Variants in WWOX observed in about 807,000 individuals in gnomAD.
WWOX encodes WW domain containing oxidoreductase, also known as WW domain-containing oxidoreductase.
A neutral mutation model predicts 46.2 loss-of-function variants in WWOX; 69 were observed. That is an observed-to-expected ratio of 1.49 (90% CI 1.23 to 1.82). The LOEUF (loss-of-function observed/expected upper bound fraction) is 1.82, where lower values mean the gene tolerates loss of function less well. Ranked by LOEUF, WWOX falls within the 40% of genes most tolerant of loss-of-function variation. The pLI, the probability that WWOX is intolerant of heterozygous loss-of-function variation, is 0.00. For synonymous variants in WWOX, 359 were observed against 202.6 expected (o/e 1.77, Z -6.56); for missense variants, 919 against 542.6 (o/e 1.69, Z -6.89).
At chr16:78,465,214 A>G (rs775369343) in intron 8 of WWOX, among the ~76,000 whole-genome samples, 4 of 152,264 alleles carry the variant, frequency 2.6e-5, no homozygotes, top group Non-Finnish European at 5.9e-5. Context: ...AAATTGTATC[A>G]TAGAATCATA....
intron 8 of WWOX, among the ~76,000 whole-genome samples, chr16:78,931,194 C>T (rs1193811830): frequency 3.9e-5 from 6 of 152,192 alleles, no homozygotes; most frequent in Non-Finnish European, 7.3e-5. Flanking sequence ...ACAGTTACCA[C>T]ACTCAGGAAT....
At chr16:78,590,995 C>G (rs1288676199) in intron 8 of WWOX, among the ~76,000 whole-genome samples, 1 of 152,128 alleles carries the variant, frequency 6.6e-6, no homozygotes, top group Non-Finnish European at 1.5e-5. Context: ...GGTACACGTA[C>G]AAGGCGCTCA....
chr16:78,168,331 T>G (rs926258723), intron 5 of WWOX: 3 of 152,116 alleles, frequency 2.0e-5, no homozygotes, highest in Admixed American at 2.0e-4. Flanking sequence ...TATTCTCACA[T>G]CCACAATGGG....
intron 8 of WWOX, among the ~76,000 whole-genome samples, chr16:78,560,911 T>G (rs1398147532): frequency 6.6e-6 from 1 of 152,184 alleles, no homozygotes; most frequent in Non-Finnish European, 1.5e-5. Flanking sequence ...ACTTAGCAGT[T>G]CACATTCACA....
At chr16:78,753,589 C>T (rs1454785007) in intron 8 of WWOX, among the ~76,000 whole-genome samples, 2 of 151,562 alleles carry the variant, frequency 1.3e-5, no homozygotes, top group African/African-American at 4.8e-5. Context: ...TGCTTGAGCC[C>T]AGGAGTTTGC....
chr16:78,164,087 T>G, intron 4 of WWOX, 96 bp from the exon 5 acceptor site: 2 of 1,111,442 alleles, frequency 1.8e-6, no homozygotes, highest in Non-Finnish European at 2.7e-6. Flanking sequence ...GTTGAGAACT[T>G]GGGGTAATTT....
chr16:78,809,108 G>T (rs1597649007), intron 8 of WWOX, among the ~76,000 whole-genome samples: 1 of 151,842 alleles, frequency 6.6e-6, no homozygotes, highest in African/African-American at 2.4e-5. Flanking sequence ...CACACAGAGT[G>T]GGCTGTTTCT....
chr16:78,624,609 C>G (rs912232671), intron 8 of WWOX, among the ~76,000 whole-genome samples: 1 of 152,156 alleles, frequency 6.6e-6, no homozygotes, highest in Admixed American at 6.5e-5. Context: ...GGCAGAAATT[C>G]AGAAAATCAC....
At chr16:79,151,427 G>A (rs1423301119) in intron 8 of WWOX, among the ~76,000 whole-genome samples, 2 of 152,148 alleles carry the variant, frequency 1.3e-5, no homozygotes, top group Non-Finnish European at 2.9e-5. Flanking sequence ...TGGTTACCCT[G>A]GACCAGACAT....
At chr16:79,090,701 A>C (rs1308646887) in intron 8 of WWOX, among the ~76,000 whole-genome samples, 1 of 152,174 alleles carries the variant, frequency 6.6e-6, no homozygotes, top group Non-Finnish European at 1.5e-5. Flanking sequence ...CAAGGTCCCG[A>C]GTGAGGCACA....
intron 8 of WWOX, among the ~76,000 whole-genome samples, chr16:78,447,408 C>G (rs1242877219): frequency 6.6e-6 from 1 of 152,164 alleles, no homozygotes; most frequent in Non-Finnish European, 1.5e-5. Flanking sequence ...AAATTGTCTT[C>G]CTTTTACAGA....
At chr16:78,505,312 G>C (rs990479851) in intron 8 of WWOX, among the ~76,000 whole-genome samples, 1 of 152,158 alleles carries the variant, frequency 6.6e-6, no homozygotes, top group Non-Finnish European at 1.5e-5. Context: ...CCAAGACTCC[G>C]AGGCAGCTTC....
At chr16:78,609,438 A>G (rs894090608) in intron 8 of WWOX, among the ~76,000 whole-genome samples, 4 of 151,362 alleles carry the variant, frequency 2.6e-5, no homozygotes, top group Non-Finnish European at 5.9e-5. Context: ...CGATAGTCCT[A>G]TTTTCTAAGT....
intron 8 of WWOX, among the ~76,000 whole-genome samples, chr16:78,937,620 T>TATTC (rs1393352760): frequency 6.7e-6 from 1 of 149,678 alleles, no homozygotes; most frequent in Non-Finnish European, 1.5e-5. Flanking sequence ...TTTATTTATT[T>TATTC]ATTTATTTAT....
At position 78,170,246 on chromosome 16, in the gene WWOX, C is replaced by T. The variant is rs181699928; in HGVS notation, c.516+5957C>T. ...TAGTGGCAAAGATTAGAATCAGATA[C>T]ATCTTATGACCTTGGGCAAGTTTCT... On this transcript the variant is annotated intron_variant, in intron 5 of 8. Transcript: ENST00000566780. 1.3e-3 allele frequency among the ~76,000 whole-genome samples: 192 copies of T among 152,296 alleles called. 2 individuals are homozygous for T. The highest frequency in any genetic ancestry group is 0.012 in the Admixed American group (186 of 15,296).
chr16:78,575,180 C>T (rs1234335318), intron 8 of WWOX, among the ~76,000 whole-genome samples: 1 of 137,214 alleles, frequency 7.3e-6, no homozygotes, highest in Non-Finnish European at 1.6e-5. Context: ...TGTCTGGAAT[C>T]CTCCTTCAGC....
intron 8 of WWOX, among the ~76,000 whole-genome samples, chr16:78,846,136 C>T (rs2052292892): frequency 6.6e-6 from 1 of 152,116 alleles, no homozygotes; most frequent in Non-Finnish European, 1.5e-5. Flanking sequence ...TGGTTTGTTC[C>T]AGTTTTTAAA....
At chr16:78,819,414 C>G (rs557161218) in intron 8 of WWOX, among the ~76,000 whole-genome samples, 158 of 152,336 alleles carry the variant, frequency 1.0e-3, no homozygotes, top group Non-Finnish European at 1.9e-3. Flanking sequence ...ATGGCAACAC[C>G]TAGAAGTTAC....
intron 8 of WWOX, among the ~76,000 whole-genome samples, chr16:79,174,824 T>G (rs115182985): frequency 2.0e-5 from 3 of 152,196 alleles, no homozygotes; most frequent in Non-Finnish European, 4.4e-5. Context: ...TAATACTAAT[T>G]AAGAGTAAAA....
Sources: gnomAD v4.1 joint callset for allele counts (sites outside exome capture counted in the v4.1 genomes callset) on GRCh38, gnomAD v4.1.1 for gene constraint, MANE v1.5 for transcripts, NCBI Gene and HGNC (gene_info 2026-07-23, HGNC 2026-07-21) for gene names.